The following ASCC3 variants were observed in gnomAD, a reference collection of about 807,000 sequenced individuals.
ASCC3 encodes activating signal cointegrator 1 complex subunit 3.
In ASCC3, 158 loss-of-function variants were observed where a neutral mutation model predicts 256.3. The ratio of observed to expected loss-of-function variants is 0.62; its 90% CI spans 0.54 to 0.70. The LOEUF is 0.70. Among genes scored for constraint, ASCC3 ranks in the 30% least tolerant of loss-of-function variants. ASCC3 has a pLI of 0.00. For synonymous variants in ASCC3, 948 were observed against 883.4 expected, an observed-to-expected ratio of 1.07 and a Z score of -1.30; for missense variants, 2,259 against 2,626.0, an observed-to-expected ratio of 0.86 and a Z score of 3.05.
At chr6:100,541,060 C>T (rs1775433515) in intron 36 of ASCC3, among the ~76,000 whole-genome samples, 2 of 151,936 alleles carry the variant, frequency 1.3e-5, no homozygotes, top group African/African-American at 4.8e-5. Context: ...CAATAAGTGC[C>T]AATTGAACCT....
At position 100,767,077 on chromosome 6, in the gene ASCC3, A is replaced by G; in HGVS notation, c.1596+68T>C. ...TTTAAGAACTTTCAAATTTCATGTAATATTAAAACTGCAAATTTATTTTAT... is the reference window on the plus strand; with the variant it reads ...TTTAAGAACTTTCAAATTTCATGTAGTATTAAAACTGCAAATTTATTTTAT... On this transcript the variant is annotated intron_variant, in intron 9 of 41. Transcript: ENST00000369162. 2 of 1,470,060 alleles carry G rather than the reference A, an allele frequency of 1.4e-6. 1 individual carries two copies. Among genetic ancestry groups the G allele is most frequent in the South Asian group, 2.3e-5 (2 of 85,874 alleles). The allele number at this position is 1,470,060 out of a possible 1,614,324, so 91.1% of individuals were successfully genotyped here.
chr6:100,719,872 T>A (rs192797833), intron 11 of ASCC3, among the ~76,000 whole-genome samples: 64 of 152,106 alleles, frequency 4.2e-4, no homozygotes, highest in African/African-American at 1.4e-3. Context: ...AATTATTAGT[T>A]CATGTTGTTA....
rs143842435 is a variant in ASCC3 at position 100,627,602 on chromosome 6, G to T, written c.4630C>A (p.Pro1544Thr). ...YCPRMASMNK[P>T]AFQAIRSHSP... ...ATCTGAAGCTTACCCTGAAATGCAG[G>T]CTTGTTCATACTAGCCATACGAGGA... Residue 1544 changes from proline (P) to threonine (T), a missense_variant, in exon 29 of 42, where the codon CCT becomes ACT. Pro to Thr is a conservative substitution (Grantham distance 38, BLOSUM62 -1). Coordinates refer to ENST00000369162, the MANE Select transcript of ASCC3 (RefSeq NM_006828.4). 51 of 1,613,254 alleles carry T rather than the reference G, an allele frequency of 3.2e-5. No homozygotes were observed. The highest frequency in any genetic ancestry group is 5.3e-5 in the African/African-American group (4 of 74,862).
At chr6:100,526,889 G>A (rs1189327342) in intron 37 of ASCC3, among the ~76,000 whole-genome samples, 2 of 152,152 alleles carry the variant, frequency 1.3e-5, no homozygotes, top group Non-Finnish European at 2.9e-5. Flanking sequence ...CTATGAATTT[G>A]ATAAGGTCAC....
intron 36 of ASCC3, among the ~76,000 whole-genome samples, chr6:100,583,733 A>G (rs1771460183): frequency 6.6e-6 from 1 of 152,134 alleles, no homozygotes; most frequent in African/African-American, 2.4e-5. Context: ...TTAGTGCTAT[A>G]AATTTCCCTC....
At chr6:100,542,978 A>G (rs1359070875) in intron 36 of ASCC3, among the ~76,000 whole-genome samples, 2 of 152,164 alleles carry the variant, frequency 1.3e-5, no homozygotes, top group Non-Finnish European at 2.9e-5. Context: ...TGTTTAAACA[A>G]AAATAATAAA....
intron 10 of ASCC3, among the ~76,000 whole-genome samples, chr6:100,758,123 G>A (rs573386188): frequency 2.6e-4 from 40 of 152,196 alleles, no homozygotes; most frequent in Non-Finnish European, 5.3e-4. Flanking sequence ...GGATGCAACT[G>A]AAAATAACAT....
chr6:100,552,731 T>C (rs1275924894), intron 36 of ASCC3, among the ~76,000 whole-genome samples: 1 of 151,824 alleles, frequency 6.6e-6, no homozygotes, highest in Admixed American at 6.6e-5. Flanking sequence ...GAATGCAACA[T>C]TTCTGAAAGA....
chr6:100,706,301 T>G (rs1778577351), intron 13 of ASCC3, among the ~76,000 whole-genome samples: 3 of 151,458 alleles, frequency 2.0e-5, no homozygotes, highest in Admixed American at 6.6e-5. Context: ...AGCTAGTGAC[T>G]GGGATAACAT....
intron 25 of ASCC3, among the ~76,000 whole-genome samples, chr6:100,632,900 G>A (rs1774630279): frequency 6.6e-6 from 1 of 152,000 alleles, no homozygotes. Context: ...CCTCGATGTT[G>A]GTCTTGGCGA....
chr6:100,873,050 TA>T (rs1192036427), intron 1 of ASCC3, among the ~76,000 whole-genome samples: 3 of 152,032 alleles, frequency 2.0e-5, no homozygotes, highest in African/African-American at 7.3e-5. Context: ...ATCCCTGATT[TA>T]CCTGAAAAAG....
At chr6:100,562,863 G>A (rs1276109812) in intron 36 of ASCC3, among the ~76,000 whole-genome samples, 1 of 152,020 alleles carries the variant, frequency 6.6e-6, no homozygotes, top group African/African-American at 2.4e-5. Flanking sequence ...CTGTTTAGCA[G>A]TGTTAGGGAA....
intron 14 of ASCC3, among the ~76,000 whole-genome samples, chr6:100,669,316 A>G (rs1776629402): frequency 6.7e-6 from 1 of 149,802 alleles, no homozygotes; most frequent in Non-Finnish European, 1.5e-5. Flanking sequence ...ATAAAAAGAC[A>G]TATATACACT....
chr6:100,722,810 C>T (rs1237367367), intron 11 of ASCC3, among the ~76,000 whole-genome samples: 1 of 151,726 alleles, frequency 6.6e-6, no homozygotes, highest in Admixed American at 6.6e-5. Flanking sequence ...TGTGGTATAG[C>T]TCCCCGAATG....
At chr6:100,594,404 T>A (rs990746598) in intron 34 of ASCC3, among the ~76,000 whole-genome samples, 7 of 152,130 alleles carry the variant, frequency 4.6e-5, no homozygotes, top group Non-Finnish European at 7.4e-5. Context: ...TACTTTAGCA[T>A]TTTAAAAAAT....
chr6:100,787,436 G>A (rs1216025500), intron 8 of ASCC3, among the ~76,000 whole-genome samples: 1 of 152,002 alleles, frequency 6.6e-6, no homozygotes, highest in Non-Finnish European at 1.5e-5. Context: ...GGTTTGGAGG[G>A]TTTGATATTA....
chr6:100,628,182 T>C (rs918754919), intron 27 of ASCC3, among the ~76,000 whole-genome samples, 195 bp from the exon 28 acceptor site: 11 of 151,682 alleles, frequency 7.3e-5, no homozygotes, highest in Admixed American at 7.2e-4. Flanking sequence ...AGATGCTGAA[T>C]TAAAAAAAAC....
intron 30 of ASCC3, among the ~76,000 whole-genome samples, chr6:100,617,816 CTA>C (rs990239932): frequency 1.1e-4 from 17 of 152,236 alleles, no homozygotes; most frequent in African/African-American, 4.1e-4. Flanking sequence ...TCCTCATTTT[CTA>C]TCTCAGCTCG....
At chr6:100,683,256 C>A (rs1264761805) in intron 13 of ASCC3, among the ~76,000 whole-genome samples, 1 of 152,032 alleles carries the variant, frequency 6.6e-6, no homozygotes, top group Non-Finnish European at 1.5e-5. Flanking sequence ...AATTCAAATG[C>A]CACATTATGT....
Sources: allele counts gnomAD v4.1 joint callset (sites outside exome capture counted in the v4.1 genomes callset), GRCh38; gene constraint gnomAD v4.1.1; transcripts MANE v1.5; gene names NCBI Gene and HGNC (gene_info 2026-07-23, HGNC 2026-07-21).